Variants in LCLAT1 observed in about 807,000 individuals in gnomAD.
LCLAT1 encodes the protein 1-AGP acyltransferase 8.
In LCLAT1, 11 loss-of-function variants were observed where a neutral mutation model predicts 30.7. The observed-to-expected ratio is 0.36, with a 90% CI of 0.23 to 0.59. The LOEUF is 0.59. Ranked by LOEUF, LCLAT1 falls within the 20% of genes least tolerant of loss-of-function variation. LCLAT1 has a pLI of 0.77. For missense variants in LCLAT1, 402 were observed against 458.6 expected, an observed-to-expected ratio of 0.88 and a Z score of 1.13; for synonymous variants, 155 against 151.3, an observed-to-expected ratio of 1.02 and a Z score of -0.18.
intron 1 of LCLAT1, among the ~76,000 whole-genome samples, chr2:30,455,314 T>A (rs1681778533): frequency 6.6e-6 from 1 of 152,194 alleles, no homozygotes; most frequent in Non-Finnish European, 1.5e-5. Flanking sequence ...GGGAGATATT[T>A]ATACTAGCTT....
In LCLAT1 at chr2:30,644,146, T is replaced by C. The variant is rs1669448470; in HGVS notation, c.*3527T>C. The C allele has an allele frequency of 1.3e-5, 2 of 152,216 alleles. No individual in the cohort carries two copies. The highest frequency in any genetic ancestry group is 4.8e-5 in the African/African-American group (2 of 41,454). 9.4% of individuals were successfully genotyped at this position (152,216 alleles called of 1,614,324 possible). A position where few individuals can be genotyped will look rare whatever the true frequency, so the allele number is the denominator to read the frequency against. ...AATAACTCACAGAATGGCCTTAGTT[T>C]TCAATGTCTGATGGTATATTTGTGA... On this transcript the variant is annotated 3_prime_UTR_variant, in exon 6 of 6. Transcript: ENST00000379509.
intron 5 of LCLAT1, among the ~76,000 whole-genome samples, chr2:30,588,663 C>T (rs1435931267): frequency 6.6e-6 from 1 of 152,110 alleles, no homozygotes; most frequent in Admixed American, 6.5e-5. Flanking sequence ...ACTGATGGCA[C>T]GATCTCAGCT....
chr2:30,552,821 TATG>T (rs1664741394), intron 3 of LCLAT1, among the ~76,000 whole-genome samples: 1 of 152,254 alleles, frequency 6.6e-6, no homozygotes, highest in African/African-American at 2.4e-5. Flanking sequence ...AGTATTTTCT[TATG>T]ATCTTTGTGA....
intron 5 of LCLAT1, among the ~76,000 whole-genome samples, chr2:30,608,993 T>G (rs1438263636): frequency 6.6e-6 from 1 of 152,178 alleles, no homozygotes; most frequent in African/African-American, 2.4e-5. Context: ...AGCTTTCTAC[T>G]CTTTGCCAGT....
At chr2:30,515,767 T>C (rs1360294825) in intron 1 of LCLAT1, among the ~76,000 whole-genome samples, 1 of 152,226 alleles carries the variant, frequency 6.6e-6, no homozygotes, top group African/African-American at 2.4e-5. Flanking sequence ...TGATACTAAA[T>C]TGCAGTGTTT....
intron 1 of LCLAT1, among the ~76,000 whole-genome samples, chr2:30,512,058 A>G (rs1194274524): frequency 6.6e-6 from 1 of 152,074 alleles, no homozygotes; most frequent in African/African-American, 2.4e-5. Flanking sequence ...TCCAGCTTTT[A>G]AAATGTTGTT....
intron 1 of LCLAT1, among the ~76,000 whole-genome samples, chr2:30,461,927 C>A (rs1000251931): frequency 2.0e-5 from 3 of 151,470 alleles, no homozygotes; most frequent in East Asian, 1.9e-4. Flanking sequence ...CCCGCCACCA[C>A]GCCCGGCTAA....
At chr2:30,627,335 T>C (rs1323661281) in intron 5 of LCLAT1, among the ~76,000 whole-genome samples, 1 of 152,188 alleles carries the variant, frequency 6.6e-6, no homozygotes, top group Non-Finnish European at 1.5e-5. Flanking sequence ...GGTTATACCC[T>C]GGTCCCCTTC....
chr2:30,450,736 C>T (rs1416663513), intron 1 of LCLAT1, among the ~76,000 whole-genome samples: 1 of 152,066 alleles, frequency 6.6e-6, no homozygotes, highest in East Asian at 1.9e-4. Flanking sequence ...TTCATGAAGT[C>T]AAAGCAAGGG....
chr2:30,455,440 G>A (rs934723233), intron 1 of LCLAT1, among the ~76,000 whole-genome samples: 5 of 152,154 alleles, frequency 3.3e-5, no homozygotes, highest in African/African-American at 7.2e-5. Context: ...CCAAGATCAC[G>A]GTGTCAGAGG....
At chr2:30,637,506 TC>T (rs1454006990) in intron 5 of LCLAT1, among the ~76,000 whole-genome samples, 1 of 152,166 alleles carries the variant, frequency 6.6e-6, no homozygotes, top group Non-Finnish European at 1.5e-5. Flanking sequence ...GCCAGCCCTT[TC>T]TCAAATGGTA....
intron 5 of LCLAT1, among the ~76,000 whole-genome samples, chr2:30,582,774 G>C (rs1666260932): frequency 6.6e-6 from 1 of 152,152 alleles, no homozygotes; most frequent in South Asian, 2.1e-4. Flanking sequence ...GCTAGGAGAG[G>C]AAAACTCAGG....
chr2:30,627,951 A>G (rs1668593227), intron 5 of LCLAT1, among the ~76,000 whole-genome samples: 2 of 152,212 alleles, frequency 1.3e-5, no homozygotes, highest in African/African-American at 4.8e-5. Context: ...ATGTTAATGA[A>G]AGCAATAAAA....
Position 30,640,151 on chromosome 2 carries a change from G to T in LCLAT1, c.663G>T (p.Val221=), listed in dbSNP as rs768493823. Residue 221 remains valine, a synonymous_variant, in exon 6 of 6, where the codon GTG becomes GTT. Transcript: ENST00000379509. ...TTGATGCTGTCCATGATATCACTGT[G>T]GCGTATCCTCACAACATTCCTCAAT... is the stretch of plus-strand genomic sequence containing the variant. The part of the protein sequence containing the change: ...KNLDAVHDIT[V]AYPHNIPQSE... 109 of 1,613,714 alleles carry T rather than the reference G, an allele frequency of 6.8e-5. No individual in the cohort carries two copies. The highest frequency in any genetic ancestry group is 1.0e-4 in the Admixed American group (6 of 59,942).
At chr2:30,548,718 T>C (rs1160948881) in intron 3 of LCLAT1, among the ~76,000 whole-genome samples, 1 of 152,150 alleles carries the variant, frequency 6.6e-6, no homozygotes. Context: ...ATCTATATAA[T>C]GTGGATTTTT....
At chr2:30,588,774 A>G (rs1666554969) in intron 5 of LCLAT1, among the ~76,000 whole-genome samples, 1 of 151,868 alleles carries the variant, frequency 6.6e-6, no homozygotes, top group Admixed American at 6.6e-5. Context: ...CTAATTTTGT[A>G]TTTTTAGTCG....
chr2:30,638,110 T>C (rs887271050), intron 5 of LCLAT1, among the ~76,000 whole-genome samples: 1 of 152,206 alleles, frequency 6.6e-6, no homozygotes, highest in African/African-American at 2.4e-5. Flanking sequence ...AATTCAGTTA[T>C]GAAACCAAAT....
intron 1 of LCLAT1, among the ~76,000 whole-genome samples, chr2:30,517,116 C>T (rs539874517): frequency 6.6e-6 from 1 of 152,306 alleles, no homozygotes; most frequent in Non-Finnish European, 1.5e-5. Flanking sequence ...GTCCCAACCA[C>T]CACTTTCTTG....
chr2:30,536,954 C>T (rs960784711), intron 3 of LCLAT1, among the ~76,000 whole-genome samples: 5 of 152,136 alleles, frequency 3.3e-5, no homozygotes, highest in Non-Finnish European at 7.4e-5. Flanking sequence ...CAGGACCCAA[C>T]TATATGCTGC....
Sources: gnomAD v4.1 joint callset for allele counts (sites outside exome capture counted in the v4.1 genomes callset) on GRCh38, gnomAD v4.1.1 for gene constraint, MANE v1.5 for transcripts, NCBI Gene and HGNC (gene_info 2026-07-23, HGNC 2026-07-21) for gene names.